Variants in MARCHF1 observed in about 807,000 individuals in gnomAD.
MARCHF1 encodes membrane associated ring-CH-type finger 1.
A neutral mutation model predicts 54.2 loss-of-function variants in MARCHF1; 40 were observed. That is an observed-to-expected ratio of 0.74 (90% CI 0.57 to 0.96). The LOEUF (loss-of-function observed/expected upper bound fraction) is 0.96, where lower values mean the gene tolerates loss of function less well. Ranked by LOEUF, MARCHF1 falls within the 40% of genes least tolerant of loss-of-function variation. The pLI is 0.00. For missense variants in MARCHF1, 586 were observed against 656.5 expected (o/e 0.89, Z 1.17); for synonymous variants, 236 against 236.3 (o/e 1.00, Z 0.01).
intron 1 of MARCHF1, among the ~76,000 whole-genome samples, chr4:164,372,781 A>T (rs1467728939): frequency 1.3e-5 from 2 of 152,106 alleles, no homozygotes; most frequent in African/African-American, 4.8e-5. Context: ...CAGTACTGAA[A>T]ATTTTAAAAA....
intron 1 of MARCHF1, among the ~76,000 whole-genome samples, chr4:164,187,564 A>T (rs1731003779): frequency 6.6e-6 from 1 of 152,136 alleles, no homozygotes; most frequent in African/African-American, 2.4e-5. Flanking sequence ...TGTGAGTAAT[A>T]AACAGCTACA....
rs1276743506 is a variant in MARCHF1 at position 163,804,150 on chromosome 4, C to T, written c.111+49871G>A. ...GAACTACAACAAGACTACTCATAGA[C>T]ATCTTCACTTGCTAATAAAACCATA... On this transcript the variant is annotated intron_variant, in intron 4 of 9. Transcript: ENST00000514618. Among the ~76,000 whole-genome samples the T allele has an allele frequency of 2.6e-5, 4 of 152,196 alleles. No individual in the cohort carries two copies. In the East Asian group the frequency reaches 5.8e-4, roughly 22 times the overall value.
At chr4:164,377,610 C>CACACAT (rs1561025451) in intron 1 of MARCHF1, among the ~76,000 whole-genome samples, 3 of 151,996 alleles carry the variant, frequency 2.0e-5, no homozygotes, top group Non-Finnish European at 4.4e-5. Flanking sequence ...CACACACACA[C>CACACAT]ACACATACAC....
chr4:163,705,777 G>A (rs1561029509), intron 4 of MARCHF1, among the ~76,000 whole-genome samples: 1 of 151,986 alleles, frequency 6.6e-6, no homozygotes, highest in South Asian at 2.1e-4. Flanking sequence ...TATTAGGGGT[G>A]CTTGCTATAA....
chr4:163,965,179 C>A (rs183476895), intron 3 of MARCHF1, among the ~76,000 whole-genome samples: 3 of 152,052 alleles, frequency 2.0e-5, no homozygotes, highest in Non-Finnish European at 2.9e-5. Flanking sequence ...AATTATAACA[C>A]TCCAGGTACA....
chr4:163,765,863 C>T (rs1235772435), intron 4 of MARCHF1, among the ~76,000 whole-genome samples: 1 of 146,906 alleles, frequency 6.8e-6, no homozygotes, highest in East Asian at 2.0e-4. Flanking sequence ...GATATATATA[C>T]ACACATATAT....
At position 163,612,730 on chromosome 4, in the gene MARCHF1, G is replaced by C. The variant is rs1741384972; in HGVS notation, c.551C>G (p.Ser184Ter). 1 of 1,535,342 alleles carries C rather than the reference G, an allele frequency of 6.5e-7. No individual in the cohort carries two copies. The highest frequency in any genetic ancestry group is 8.7e-7 in the Non-Finnish European group (1 of 1,146,520). Residue 184 changes from serine to a stop codon, truncating the protein, a stop_gained, in exon 7 of 10, where the codon TCA becomes TGA. Coordinates refer to ENST00000514618, the MANE Select transcript of MARCHF1 (RefSeq NM_001394959.1). LOFTEE classifies it high-confidence loss of function. ...KRRAQVKFRL[S>*]RRRRRNNNKP... ...ATTATTATTTCTCCTCCTTCTTCTT[G>C]ACAGTCTGAATTTAACCTGGGCTCT...
At chr4:163,534,444 ACT>A (rs1192357912) in intron 9 of MARCHF1, among the ~76,000 whole-genome samples, 1 of 125,374 alleles carries the variant, frequency 8.0e-6, no homozygotes, top group Non-Finnish European at 1.8e-5. Flanking sequence ...AAATAGAGTA[ACT>A]CTGAACTTCT....
At chr4:164,008,626 G>A (rs570044125) in intron 2 of MARCHF1, among the ~76,000 whole-genome samples, 10 of 152,084 alleles carry the variant, frequency 6.6e-5, no homozygotes, top group African/African-American at 9.6e-5. Context: ...CAGAAATCAT[G>A]TCAACTATCT....
At chr4:164,205,831 A>G (rs941431814) in intron 1 of MARCHF1, among the ~76,000 whole-genome samples, 8 of 150,410 alleles carry the variant, frequency 5.3e-5, no homozygotes, top group African/African-American at 2.0e-4. Context: ...TAAGGTAGCC[A>G]AAGAAAGGAA....
At chr4:164,332,540 G>A (rs1355208917) in intron 1 of MARCHF1, among the ~76,000 whole-genome samples, 2 of 152,180 alleles carry the variant, frequency 1.3e-5, no homozygotes, top group Non-Finnish European at 2.9e-5. Context: ...ATGCCCTCTT[G>A]TGAGTTCTAG....
intron 3 of MARCHF1, among the ~76,000 whole-genome samples, chr4:163,920,148 T>G (rs954028688): frequency 6.6e-6 from 1 of 152,184 alleles, no homozygotes; most frequent in Non-Finnish European, 1.5e-5. Context: ...ATAGAAGCAC[T>G]TAGTGGCTTC....
intron 5 of MARCHF1, among the ~76,000 whole-genome samples, chr4:163,679,670 T>A (rs1360762710): frequency 4.0e-5 from 6 of 151,792 alleles, no homozygotes; most frequent in Non-Finnish European, 8.8e-5. Context: ...TGGAGTGCAG[T>A]GGCACAGTCT....
chr4:164,249,094 G>T (rs1267532247), intron 1 of MARCHF1, among the ~76,000 whole-genome samples: 2 of 151,948 alleles, frequency 1.3e-5, no homozygotes, highest in African/African-American at 2.4e-5. Context: ...TAGTTATAAA[G>T]TTCTAAATGA....
chr4:164,336,785 T>A (rs1044725871), intron 1 of MARCHF1, among the ~76,000 whole-genome samples: 13 of 152,208 alleles, frequency 8.5e-5, no homozygotes, highest in African/African-American at 3.1e-4. Flanking sequence ...TCTCATCACA[T>A]GAAAGAAGCA....
intron 1 of MARCHF1, among the ~76,000 whole-genome samples, chr4:164,199,149 G>C (rs1731367035): frequency 6.6e-6 from 1 of 152,138 alleles, no homozygotes; most frequent in Non-Finnish European, 1.5e-5. Context: ...AATTGAATGA[G>C]CTTACATAAA....
At chr4:164,329,271 T>C (rs1735363476) in intron 1 of MARCHF1, among the ~76,000 whole-genome samples, 1 of 152,216 alleles carries the variant, frequency 6.6e-6, no homozygotes, top group African/African-American at 2.4e-5. Flanking sequence ...TCTTTTATAA[T>C]TCATAACCCT....
intron 2 of MARCHF1, among the ~76,000 whole-genome samples, chr4:164,054,365 G>T (rs1215848222): frequency 6.6e-6 from 1 of 152,000 alleles, no homozygotes; most frequent in Non-Finnish European, 1.5e-5. Context: ...AAGTCAGTGT[G>T]GCGATTCCTC....
chr4:164,294,696 C>G (rs901858277), intron 1 of MARCHF1, among the ~76,000 whole-genome samples: 2 of 152,040 alleles, frequency 1.3e-5, no homozygotes, highest in African/African-American at 4.8e-5. Context: ...GTTTATTGAA[C>G]TTTTACTTAA....
Sources: allele counts gnomAD v4.1 joint callset (sites outside exome capture counted in the v4.1 genomes callset), GRCh38; gene constraint gnomAD v4.1.1; transcripts MANE v1.5; gene names NCBI Gene and HGNC (gene_info 2026-07-23, HGNC 2026-07-21).